Variants in ME1 observed in about 807,000 individuals in gnomAD.
ME1 encodes malic enzyme 1, also known as NADP-dependent malic enzyme.
In ME1, 74 loss-of-function variants were observed where a neutral mutation model predicts 66.4. That is an observed-to-expected ratio of 1.11 (90% CI 0.92 to 1.35). The LOEUF (loss-of-function observed/expected upper bound fraction) is 1.35, where lower values mean the gene tolerates loss of function less well. Ranked by LOEUF, ME1 falls within the 40% of genes most tolerant of loss-of-function variation. The pLI is 0.00. For synonymous variants in ME1, 251 were observed against 235.6 expected (o/e 1.07, Z -0.60); for missense variants, 750 against 694.1 (o/e 1.08, Z -0.90).
In ME1 at chr6:83,399,329, A is replaced by T. The variant is rs183994603; in HGVS notation, c.213-813T>A. 3.3e-5 allele frequency among the ~76,000 whole-genome samples: 5 copies of T among 152,312 alleles called. No individual in the cohort carries two copies. In the East Asian group the frequency reaches 7.7e-4, roughly 24 times the overall value. ...CTCTTAAATATTGCAAAGAATAAAG[A>T]ACCATAAACTTAACTAATATCATGC... On this transcript the variant is annotated intron_variant, in intron 2 of 13. Transcript: ENST00000369705.
chr6:83,407,754 C>G lies in ME1; in HGVS notation c.212+14G>C, dbSNP rs1167718986. The G allele has an allele frequency of 6.4e-7, 1 of 1,561,674 alleles. No individual in the cohort carries two copies. Among genetic ancestry groups the G allele is most frequent in the South Asian group, 1.2e-5 (1 of 81,674 alleles). ...ATAAGAGAAATATAAAAACCACCTT[C>G]AGCAATGTGTTACCTGTCAAAGTCA... is the stretch of plus-strand genomic sequence containing the variant. On this transcript the variant is annotated intron_variant, in intron 2 of 13. Transcript: ENST00000369705.
chr6:83,398,693 C>T (rs1392498611), intron 2 of ME1, among the ~76,000 whole-genome samples, 177 bp from the exon 3 acceptor site: 4 of 152,174 alleles, frequency 2.6e-5, no homozygotes, highest in East Asian at 1.9e-4. Context: ...GAGTCTTGGC[C>T]GGGCACAGTG....
At chr6:83,300,392 TAACTA>T (rs978111163) in intron 6 of ME1, among the ~76,000 whole-genome samples, 3 of 152,148 alleles carry the variant, frequency 2.0e-5, no homozygotes, top group Non-Finnish European at 2.9e-5. Context: ...AAATAGGATC[TAACTA>T]AACTAAAGAG....
At chr6:83,352,019 GA>G in intron 4 of ME1, 44 bp downstream of exon 4, 1 of 1,322,458 alleles carries the variant, frequency 7.6e-7, no homozygotes. Flanking sequence ...TTATGGGACA[GA>G]AAAAAGAAAA....
intron 6 of ME1, among the ~76,000 whole-genome samples, chr6:83,280,048 A>G (rs920327028): frequency 5.3e-5 from 8 of 152,176 alleles, no homozygotes; most frequent in Non-Finnish European, 1.2e-4. Context: ...TAGGAGAAAT[A>G]AAGACTTTCT....
At chr6:83,236,016 T>C (rs1302473384) in intron 9 of ME1, among the ~76,000 whole-genome samples, 1 of 152,122 alleles carries the variant, frequency 6.6e-6, no homozygotes, top group Non-Finnish European at 1.5e-5. Flanking sequence ...TATTTCCTTC[T>C]ATGACTTTCA....
In ME1 at chr6:83,398,484, T is replaced by G. The variant is rs1241572117; in HGVS notation, c.245A>C (p.Asn82Thr). Residue 82 changes from asparagine to threonine, a missense_variant, in exon 3 of 14, where the codon AAT becomes ACT. Physicochemically the swap from Asn to Thr is moderately conservative, Grantham distance 65. Transcript: ENST00000369705. The stretch of plus-strand genomic sequence containing the variant: ...CAGCACTCTATAAAAGAGTTTTTCA[T>G]TTCTATCTTGGAGATCCATTAAGAG... ...YLLLMDLQDR[N>T]EKLFYRVLTS... is the part of the protein sequence containing the mutation. 6.3e-7 allele frequency: 1 copy of G among 1,575,568 alleles called. No homozygotes were observed. Among genetic ancestry groups the G allele is most frequent in the African/African-American group, 1.4e-5 (1 of 73,386 alleles).
intron 5 of ME1, among the ~76,000 whole-genome samples, chr6:83,327,066 A>G (rs1768308062): frequency 6.6e-6 from 1 of 152,230 alleles, no homozygotes; most frequent in South Asian, 2.1e-4. Flanking sequence ...CAAATTGTAA[A>G]GATTTCATGG....
chr6:83,377,007 T>C (rs1467885883), intron 3 of ME1, among the ~76,000 whole-genome samples: 1 of 152,020 alleles, frequency 6.6e-6, no homozygotes, highest in East Asian at 1.9e-4. Flanking sequence ...GACAAAAGTG[T>C]AAGATACACA....
chr6:83,283,044 A>T (rs1339612440), intron 6 of ME1, among the ~76,000 whole-genome samples: 2 of 149,496 alleles, frequency 1.3e-5, no homozygotes, highest in African/African-American at 2.5e-5. Flanking sequence ...CTGGCTAACA[A>T]GGTGAAACCC....
rs181291488 is a variant in ME1 at position 83,229,016 on chromosome 6, A to G, written c.1027-85T>C. ...TTCGGTACATATATTACAAATATTT[A>G]TGCTTAACATTTTTATGTATGATGT... On this transcript the variant is annotated intron_variant, in intron 9 of 13. Coordinates refer to ENST00000369705, the MANE Select transcript of ME1 (RefSeq NM_002395.6). 3 of 831,206 alleles carry G rather than the reference A, an allele frequency of 3.6e-6. No homozygotes were observed. In the East Asian group the frequency reaches 7.3e-5, roughly 20 times the overall value. 51.5% of individuals were successfully genotyped at this position (831,206 alleles called of 1,614,324 possible).
chr6:83,330,996 A>C (rs977510755), intron 5 of ME1, among the ~76,000 whole-genome samples: 16 of 152,310 alleles, frequency 1.1e-4, no homozygotes, highest in Admixed American at 9.2e-4. Flanking sequence ...TACACTGTAC[A>C]CATCAACCAG....
chr6:83,225,831 T>C (rs1383935201), intron 11 of ME1, among the ~76,000 whole-genome samples: 3 of 138,508 alleles, frequency 2.2e-5, no homozygotes, highest in African/African-American at 5.6e-5. Flanking sequence ...TATATATATA[T>C]ATATATCTCC....
At chr6:83,293,981 T>G (rs1767550879) in intron 6 of ME1, among the ~76,000 whole-genome samples, 1 of 152,234 alleles carries the variant, frequency 6.6e-6, no homozygotes, top group Non-Finnish European at 1.5e-5. Flanking sequence ...ACAGTTATAG[T>G]CTAATCCAGA....
chr6:83,307,402 C>A (rs187060873), intron 6 of ME1, among the ~76,000 whole-genome samples: 1 of 152,172 alleles, frequency 6.6e-6, no homozygotes, highest in Non-Finnish European at 1.5e-5. Context: ...ATTTTTCTCA[C>A]ATTGACAGAC....
At chr6:83,333,752 G>A (rs1458151793) in intron 5 of ME1, among the ~76,000 whole-genome samples, 1 of 152,148 alleles carries the variant, frequency 6.6e-6, no homozygotes. Context: ...CAGTTGATAT[G>A]TGTAGCCCGA....
intron 6 of ME1, among the ~76,000 whole-genome samples, chr6:83,307,546 A>G (rs1433640587): frequency 2.0e-5 from 3 of 152,166 alleles, no homozygotes; most frequent in Non-Finnish European, 4.4e-5. Context: ...ATGCTGATCA[A>G]AGTGACAGGT....
chr6:83,274,748 G>C (rs1413104212), intron 6 of ME1, among the ~76,000 whole-genome samples: 1 of 152,158 alleles, frequency 6.6e-6, no homozygotes, highest in African/African-American at 2.4e-5. Flanking sequence ...TACCAAACCA[G>C]ATGTGCTTGC....
chr6:83,326,801 T>G (rs1269661370), intron 5 of ME1, among the ~76,000 whole-genome samples: 14 of 152,140 alleles, frequency 9.2e-5, no homozygotes. Flanking sequence ...TGTAAATTAG[T>G]TCAACCACTA....
Sources: gnomAD v4.1 joint callset for allele counts (sites outside exome capture counted in the v4.1 genomes callset) on GRCh38, gnomAD v4.1.1 for gene constraint, MANE v1.5 for transcripts, NCBI Gene and HGNC (gene_info 2026-07-23, HGNC 2026-07-21) for gene names.